Variants in ESR1 observed in about 807,000 individuals in gnomAD.
ESR1 encodes estrogen receptor 1.
In ESR1, 12 loss-of-function variants were observed where a neutral mutation model predicts 52.7. The ratio of observed to expected loss-of-function variants is 0.23; its 90% CI spans 0.15 to 0.37. The LOEUF is 0.37. ESR1 is among the 10% of genes least tolerant of loss of function. ESR1 has a pLI of 1.00. For synonymous variants in ESR1, 305 were observed against 316.8 expected (o/e 0.96, Z 0.39); for missense variants, 584 against 779.7 (o/e 0.75, Z 2.99).
At chr6:151,770,226 C>A (rs1583207578) in intron 2 of ESR1, among the ~76,000 whole-genome samples, 1 of 152,060 alleles carries the variant, frequency 6.6e-6, no homozygotes, top group African/African-American at 2.4e-5. Flanking sequence ...TAATTCACTT[C>A]AGCATTATGT....
chr6:151,670,762 G>GT (rs35606990), intron 1 of ESR1, among the ~76,000 whole-genome samples: 21,729 of 85,956 alleles, frequency 0.25, 2,933 homozygotes, highest in Non-Finnish European at 0.29. Context: ...TTTTGTTTTC[G>GT]TTTTTTTTTT....
At chr6:152,015,861 A>G (rs2043128884) in intron 5 of ESR1, among the ~76,000 whole-genome samples, 1 of 152,154 alleles carries the variant, frequency 6.6e-6, no homozygotes, top group Non-Finnish European at 1.5e-5. Flanking sequence ...AATGGGGAAA[A>G]GCAAAGACTC....
chr6:151,842,261 A>T, intron 1 of ESR1, among the ~76,000 whole-genome samples: 1 of 152,152 alleles, frequency 6.6e-6, no homozygotes, highest in Non-Finnish European at 1.5e-5. Flanking sequence ...TGGGATGAGC[A>T]TTGGTCTCTA....
intron 1 of ESR1, among the ~76,000 whole-genome samples, chr6:151,667,419 C>G (rs1392454271): frequency 6.6e-6 from 1 of 152,158 alleles, no homozygotes; most frequent in Non-Finnish European, 1.5e-5. Context: ...AAGCACTGGG[C>G]AAATCATTTT....
intron 4 of ESR1, among the ~76,000 whole-genome samples, chr6:151,967,231 C>T (rs1014355275): frequency 6.6e-6 from 1 of 152,064 alleles, no homozygotes; most frequent in Non-Finnish European, 1.5e-5. Context: ...ATGTGCAGAA[C>T]ATGCAGGTTT....
chr6:151,882,024 G>A (rs1434613518), intron 3 of ESR1, among the ~76,000 whole-genome samples: 8 of 152,106 alleles, frequency 5.3e-5, no homozygotes, highest in South Asian at 2.1e-4. Flanking sequence ...GGAAAAGCCC[G>A]TTTCTTTTCT....
At position 151,831,972 on chromosome 6, in the gene ESR1, A is replaced by G. The variant is rs116160660; in HGVS notation, c.453-10625A>G. On this transcript the variant is annotated intron_variant, in intron 1 of 7. Coordinates refer to ENST00000206249, the MANE Select transcript of ESR1 (RefSeq NM_000125.4). ...ATTTCGTGGAGCTTCTTTGAACTGT[A>G]TCTATCTCCAGTCATTTTTGTGGAA... Among the ~76,000 whole-genome samples the G allele has an allele frequency of 7.3e-3, 1,115 of 152,244 alleles. 12 individuals are homozygous for G. Among genetic ancestry groups the G allele is most frequent in the African/African-American group, 0.026 (1,087 of 41,544 alleles).
intron 4 of ESR1, among the ~76,000 whole-genome samples, chr6:152,001,260 G>C (rs898843051): frequency 1.3e-5 from 2 of 151,926 alleles, no homozygotes; most frequent in African/African-American, 4.8e-5. Flanking sequence ...TTCAAGATCA[G>C]ACAGCCACAT....
At chr6:152,050,442 C>A (rs2128924981) in intron 5 of ESR1, among the ~76,000 whole-genome samples, 1 of 152,270 alleles carries the variant, frequency 6.6e-6, no homozygotes, top group South Asian at 2.1e-4. Flanking sequence ...GATCCTCTGG[C>A]CATATTTTAA....
intron 3 of ESR1, among the ~76,000 whole-genome samples, chr6:151,895,229 T>C (rs1477029554): frequency 6.6e-6 from 1 of 152,010 alleles, no homozygotes; most frequent in Non-Finnish European, 1.5e-5. Context: ...GAGCTACTGA[T>C]TTGTGTACAT....
At chr6:151,738,132 G>C (rs1430859671) in intron 2 of ESR1, among the ~76,000 whole-genome samples, 1 of 152,056 alleles carries the variant, frequency 6.6e-6, no homozygotes, top group Non-Finnish European at 1.5e-5. Flanking sequence ...GGCTTATTTT[G>C]TTGTTGTTTG....
chr6:151,874,284 C>T (rs1420310101), intron 2 of ESR1, among the ~76,000 whole-genome samples: 1 of 151,948 alleles, frequency 6.6e-6, no homozygotes, highest in Non-Finnish European at 1.5e-5. Context: ...TTTCAGAGTA[C>T]TGTATATCTC....
intron 2 of ESR1, among the ~76,000 whole-genome samples, chr6:151,732,889 A>T (rs766608920): frequency 6.6e-5 from 10 of 152,048 alleles, no homozygotes; most frequent in Non-Finnish European, 1.3e-4. Context: ...TGACTTTGTG[A>T]ATCTAACCTC....
intron 3 of ESR1, among the ~76,000 whole-genome samples, chr6:151,898,217 T>G (rs1247312862): frequency 3.3e-5 from 5 of 152,138 alleles, no homozygotes; most frequent in Non-Finnish European, 7.3e-5. Flanking sequence ...TATTTGAGCT[T>G]CTTGTATTTG....
intron 6 of ESR1, among the ~76,000 whole-genome samples, chr6:152,077,385 G>A (rs1219125035): frequency 2.6e-5 from 4 of 152,222 alleles, no homozygotes; most frequent in Non-Finnish European, 4.4e-5. Flanking sequence ...GGGCCCTCAT[G>A]GAGGGCCTCT....
At chr6:151,860,196 A>G (rs1788616990) in intron 2 of ESR1, among the ~76,000 whole-genome samples, 1 of 152,166 alleles carries the variant, frequency 6.6e-6, no homozygotes, top group Admixed American at 6.6e-5. Context: ...ATACATATAC[A>G]TAATGAAATG....
At chr6:151,807,019 A>G (rs999317282), upstream of ESR1, among the ~76,000 whole-genome samples, 1 of 152,162 alleles carries the variant, frequency 6.6e-6, no homozygotes. Context: ...GGAAGGGTCT[A>G]TCTACTTTGG....
chr6:151,903,675 C>G (rs1797026180), intron 3 of ESR1, among the ~76,000 whole-genome samples: 1 of 152,230 alleles, frequency 6.6e-6, no homozygotes, highest in African/African-American at 2.4e-5. Flanking sequence ...AGTCTGACCT[C>G]TCACAGGGAA....
chr6:151,818,031 C>T (rs567222291), intron 1 of ESR1, among the ~76,000 whole-genome samples: 4 of 152,310 alleles, frequency 2.6e-5, no homozygotes, highest in Admixed American at 6.5e-5. Flanking sequence ...AAGCTCTCCT[C>T]GTGTCCTCCC....
Sources: allele counts gnomAD v4.1 joint callset (sites outside exome capture counted in the v4.1 genomes callset), GRCh38; gene constraint gnomAD v4.1.1; transcripts MANE v1.5; gene names NCBI Gene and HGNC (gene_info 2026-07-23, HGNC 2026-07-21).